The following OSBPL1A variants were observed in gnomAD, a reference collection of about 807,000 sequenced individuals.
The protein encoded by OSBPL1A is oxysterol binding protein like 1A, also known as oxysterol-binding protein-related protein 1.
In OSBPL1A, 80 loss-of-function variants were observed where a neutral mutation model predicts 137.1. That is an observed-to-expected ratio of 0.58 (90% CI 0.49 to 0.70). The LOEUF is 0.70. Among genes scored for constraint, OSBPL1A ranks in the 30% least tolerant of loss-of-function variants. The probability of loss-of-function intolerance (pLI) is 0.00; values close to 1 mark genes in which losing one functional copy is unlikely to be tolerated. For synonymous variants in OSBPL1A, 365 were observed against 389.7 expected, an observed-to-expected ratio of 0.94 and a Z score of 0.75; for missense variants, 970 against 1,129.4, an observed-to-expected ratio of 0.86 and a Z score of 2.02.
intron 5 of OSBPL1A, among the ~76,000 whole-genome samples, chr18:24,337,607 G>A (rs1349847770): frequency 2.0e-5 from 3 of 150,680 alleles, no homozygotes; most frequent in Non-Finnish European, 3.0e-5. Context: ...CAAGAACAGG[G>A]CTGAGGAATT....
chr18:24,363,774 T>C (rs1291050301), intron 4 of OSBPL1A, among the ~76,000 whole-genome samples: 1 of 152,056 alleles, frequency 6.6e-6, no homozygotes, highest in Admixed American at 6.6e-5. Context: ...CCCGAGCAGT[T>C]GGGACTACAG....
intron 2 of OSBPL1A, among the ~76,000 whole-genome samples, chr18:24,376,011 A>G (rs1015512618): frequency 6.6e-6 from 1 of 152,088 alleles, no homozygotes; most frequent in African/African-American, 2.4e-5. Flanking sequence ...AGACCTTCGC[A>G]GTGAGTGTTA....
chr18:24,363,784 G>A lies in OSBPL1A; in HGVS notation c.282+3108C>T, dbSNP rs569308897. Among the ~76,000 whole-genome samples, 526 of 151,986 alleles carry A rather than the reference G, an allele frequency of 3.5e-3. 9 individuals carry two copies. Among genetic ancestry groups the A allele is most frequent in the Non-Finnish European group, 2.1e-3 (143 of 67,958 alleles). On this transcript the variant is annotated intron_variant, in intron 4 of 27. Coordinates refer to ENST00000319481, the MANE Select transcript of OSBPL1A (RefSeq NM_080597.4). Reference sequence around the variant, plus strand: ...AGCCTCCCGAGCAGTTGGGACTACAGATGCACACCACCACACCAGGCAATT... The same window carrying A: ...AGCCTCCCGAGCAGTTGGGACTACAAATGCACACCACCACACCAGGCAATT...
chr18:24,186,903 CAAAAAAAAAAA>C (rs57438319), intron 18 of OSBPL1A, among the ~76,000 whole-genome samples: 6 of 62,626 alleles, frequency 9.6e-5, no homozygotes, highest in African/African-American at 2.5e-4. Flanking sequence ...GACTCTGTCT[CAAAAAAAAAAA>C]AAAAAAAAAA....
intron 14 of OSBPL1A, among the ~76,000 whole-genome samples, chr18:24,288,707 G>A (rs754598000): frequency 1.3e-5 from 2 of 151,684 alleles, no homozygotes; most frequent in East Asian, 3.9e-4. Context: ...GGCGGAGGTT[G>A]CAGTGAGCCG....
At chr18:24,396,852 T>G (rs1487270717) in intron 1 of OSBPL1A, among the ~76,000 whole-genome samples, 1 of 152,178 alleles carries the variant, frequency 6.6e-6, no homozygotes, top group Non-Finnish European at 1.5e-5. Flanking sequence ...AAATCCAGAA[T>G]GCACCTATTA....
chr18:24,164,405 G>A (rs2086091319), intron 27 of OSBPL1A, among the ~76,000 whole-genome samples: 1 of 145,366 alleles, frequency 6.9e-6, no homozygotes. Context: ...ATGGAAAACA[G>A]TATGGAGATT....
chr18:24,164,288 T>C (rs1436561047), intron 27 of OSBPL1A, among the ~76,000 whole-genome samples: 1 of 152,062 alleles, frequency 6.6e-6, no homozygotes, highest in East Asian at 1.9e-4. Context: ...GATTATCGTC[T>C]TACACCAGTT....
At chr18:24,284,261 G>C (rs919170424) in intron 14 of OSBPL1A, among the ~76,000 whole-genome samples, 8 of 152,020 alleles carry the variant, frequency 5.3e-5, no homozygotes, top group African/African-American at 1.9e-4. Context: ...CTAGAAAAGT[G>C]ACCAACTGGG....
intron 17 of OSBPL1A, among the ~76,000 whole-genome samples, chr18:24,203,660 C>T (rs751163537): frequency 1.3e-5 from 2 of 152,170 alleles, no homozygotes; most frequent in Non-Finnish European, 2.9e-5. Context: ...CACCACTCTA[C>T]CACCCTATAA....
chr18:24,382,981 C>CTA (rs1435447299), intron 1 of OSBPL1A, among the ~76,000 whole-genome samples: 1 of 152,094 alleles, frequency 6.6e-6, no homozygotes, highest in East Asian at 1.9e-4. Context: ...AGATTAAGCT[C>CTA]TATATATATT....
chr18:24,257,828 C>T (rs1173265855), intron 15 of OSBPL1A, among the ~76,000 whole-genome samples: 2 of 152,094 alleles, frequency 1.3e-5, no homozygotes, highest in African/African-American at 4.8e-5. Context: ...AAGATTTGAA[C>T]AGATATTTCT....
chr18:24,172,540 A>G (rs1327740557), intron 21 of OSBPL1A, 57 bp from the exon 22 acceptor site: 1 of 1,246,970 alleles, frequency 8.0e-7, no homozygotes, highest in East Asian at 2.3e-5. Flanking sequence ...TTGTTTAAAA[A>G]GTACACTTGT....
At chr18:24,194,222 C>A (rs1210958225) in intron 18 of OSBPL1A, among the ~76,000 whole-genome samples, 7 of 152,194 alleles carry the variant, frequency 4.6e-5, no homozygotes, top group Non-Finnish European at 8.8e-5. Flanking sequence ...AATAACCTTA[C>A]AAAGATACAG....
At chr18:24,166,431 A>G in intron 26 of OSBPL1A, 148 bp downstream of exon 26, 1 of 1,014,248 alleles carries the variant, frequency 9.9e-7, no homozygotes, top group Non-Finnish European at 1.4e-6. Flanking sequence ...AAGTTACTGA[A>G]TTTAAATTGA....
chr18:24,352,347 A>T (rs2091454750), intron 4 of OSBPL1A, among the ~76,000 whole-genome samples: 1 of 152,170 alleles, frequency 6.6e-6, no homozygotes, highest in Non-Finnish European at 1.5e-5. Flanking sequence ...GAGCAGAAAA[A>T]ATTGCTTATC....
intron 21 of OSBPL1A, among the ~76,000 whole-genome samples, chr18:24,175,108 G>GTATATATATATATATATATATA (rs71163664): frequency 9.0e-6 from 1 of 111,530 alleles, no homozygotes; most frequent in South Asian, 2.7e-4. Flanking sequence ...CCATGTGTAT[G>GTATATATATATATATATATATA]TATATATATA....
At chr18:24,257,573 A>G (rs1039777532) in intron 15 of OSBPL1A, among the ~76,000 whole-genome samples, 1 of 152,198 alleles carries the variant, frequency 6.6e-6, no homozygotes, top group African/African-American at 2.4e-5. Flanking sequence ...GTCTGGGCAA[A>G]TATTTCTTAG....
At chr18:24,166,735 T>C (rs1029087636) in intron 25 of OSBPL1A, 33 bp from the exon 26 acceptor site, 2 of 1,595,986 alleles carry the variant, frequency 1.3e-6, no homozygotes. Flanking sequence ...AATTAAAATA[T>C]GCCAAGGCAT....
Sources: allele counts gnomAD v4.1 joint callset (sites outside exome capture counted in the v4.1 genomes callset), GRCh38; gene constraint gnomAD v4.1.1; transcripts MANE v1.5; gene names NCBI Gene and HGNC (gene_info 2026-07-23, HGNC 2026-07-21).